Variants in DNAJC1 observed in about 807,000 individuals in gnomAD.
The protein encoded by DNAJC1 is DnaJ heat shock protein family (Hsp40) member C1.
A neutral mutation model predicts 76.6 loss-of-function variants in DNAJC1; 58 were observed. The observed-to-expected ratio is 0.76, with a 90% confidence interval of 0.61 to 0.94. The LOEUF (loss-of-function observed/expected upper bound fraction) is 0.94. Among genes scored for constraint, DNAJC1 ranks in the 40% least tolerant of loss-of-function variants. DNAJC1 has a pLI of 0.00. For missense variants in DNAJC1, 689 were observed against 677.3 expected (o/e 1.02, Z -0.19); for synonymous variants, 258 against 267.9 (o/e 0.96, Z 0.36).
At chr10:21,858,207 A>C (rs754542583) in intron 8 of DNAJC1, among the ~76,000 whole-genome samples, 4 of 152,174 alleles carry the variant, frequency 2.6e-5, no homozygotes, top group Admixed American at 1.3e-4. Context: ...ATTATCTCTC[A>C]AAACAAAAAG....
At chr10:21,774,382 T>A (rs974999004) in intron 9 of DNAJC1, among the ~76,000 whole-genome samples, 6 of 152,206 alleles carry the variant, frequency 3.9e-5, no homozygotes, top group African/African-American at 1.4e-4. Context: ...GACCTCAGAA[T>A]CTCATAACCT....
chr10:21,912,867 G>A (rs1836890448), intron 6 of DNAJC1, among the ~76,000 whole-genome samples: 2 of 152,104 alleles, frequency 1.3e-5, no homozygotes, highest in Admixed American at 6.5e-5. Context: ...GTCAGGGAGG[G>A]TGACCTCCAG....
rs114183536 is a variant in DNAJC1, at chr10:21,816,519, G to A, written c.979-10420C>T. Among the ~76,000 whole-genome samples, 592 of 151,316 alleles carry A rather than the reference G, an allele frequency of 3.9e-3. 5 individuals carry two copies. The highest frequency in any genetic ancestry group is 0.014 in the African/African-American group (563 of 41,258). ...GCACAGGAGCTCGAGACCAGCCTGG[G>A]CAGCAAAGAGACACTGTCTCTCTCT... is the stretch of plus-strand genomic sequence containing the variant. On this transcript the variant is annotated intron_variant, in intron 8 of 11. Coordinates refer to ENST00000376980, the MANE Select transcript of DNAJC1 (RefSeq NM_022365.4).
chr10:21,883,579 G>A (rs559475132), intron 7 of DNAJC1, among the ~76,000 whole-genome samples: 1 of 152,098 alleles, frequency 6.6e-6, no homozygotes, highest in African/African-American at 2.4e-5. Context: ...ATTAGAAAAT[G>A]CATTTAATAA....
chr10:21,793,632 C>T lies in DNAJC1; in HGVS notation c.1098+12348G>A, dbSNP rs7096406. Among the ~76,000 whole-genome samples the T allele has an allele frequency of 8.8e-3, 1,335 of 152,224 alleles. 22 individuals carry two copies. The highest frequency in any genetic ancestry group is 0.03 in the African/African-American group (1,259 of 41,526). The stretch of plus-strand genomic sequence containing the variant: ...TGTATTCCTACATACCAGCAATGGA[C>T]AATTTGAAAGTGTAATTAAGAAAAC... On this transcript the variant is annotated intron_variant, in intron 9 of 11. Coordinates refer to ENST00000376980, the MANE Select transcript of DNAJC1 (RefSeq NM_022365.4).
intron 6 of DNAJC1, among the ~76,000 whole-genome samples, chr10:21,907,479 G>A (rs1836765902): frequency 6.6e-6 from 1 of 152,020 alleles, no homozygotes; most frequent in South Asian, 2.1e-4. Context: ...CACACTTTAA[G>A]ATGCACTGAC....
At chr10:21,759,693 G>C in intron 10 of DNAJC1, 75 bp from the exon 11 acceptor site, 2 of 1,438,210 alleles carry the variant, frequency 1.4e-6, no homozygotes, top group East Asian at 4.6e-5. Context: ...GCAGCTGCCG[G>C]GCACAGAGCA....
chr10:21,851,925 C>T (rs563416783), intron 8 of DNAJC1, among the ~76,000 whole-genome samples: 2 of 151,794 alleles, frequency 1.3e-5, no homozygotes, highest in South Asian at 2.1e-4. Context: ...TGGTGGCGGG[C>T]GCCTGTAGTC....
At chr10:21,776,836 C>CA (rs1249412503) in intron 9 of DNAJC1, among the ~76,000 whole-genome samples, 6 of 152,264 alleles carry the variant, frequency 3.9e-5, no homozygotes, top group Middle Eastern at 3.4e-3. Context: ...AACACTTATG[C>CA]AAAAAGACAA....
At chr10:21,875,629 T>C (rs1296552445) in intron 8 of DNAJC1, among the ~76,000 whole-genome samples, 1 of 152,076 alleles carries the variant, frequency 6.6e-6, no homozygotes, top group African/African-American at 2.4e-5. Flanking sequence ...GAGAAACCAT[T>C]AGAATTAAAA....
intron 6 of DNAJC1, among the ~76,000 whole-genome samples, chr10:21,917,105 T>G (rs1395138145): frequency 6.6e-6 from 1 of 151,982 alleles, no homozygotes; most frequent in Non-Finnish European, 1.5e-5. Flanking sequence ...AGTAAAAACT[T>G]TAAAATTCAA....
chr10:21,805,894 C>T (rs1834877214), intron 9 of DNAJC1, 86 bp downstream of exon 9: 2 of 1,555,000 alleles, frequency 1.3e-6, no homozygotes, highest in Admixed American at 3.4e-5. Flanking sequence ...CCCAAAGATA[C>T]TGTGGAACCC....
Position 22,003,728 on chromosome 10 carries a change from A to G in DNAJC1, c.-294T>C, listed in dbSNP as rs933367872. On this transcript the variant is annotated 5_prime_UTR_variant, in exon 1 of 12. Coordinates refer to ENST00000376980, the MANE Select transcript of DNAJC1 (RefSeq NM_022365.4). ...GCAGCGCCCGGCGCCTGGGCTGCAC[A>G]GTGGGTGAGGCTTCCCTTCGCCTCA... 6.1e-6 allele frequency: 2 copies of G among 328,580 alleles called. No homozygotes were observed. The highest frequency in any genetic ancestry group is 1.1e-5 in the Non-Finnish European group (2 of 182,108). The allele number at this position is 328,580 out of a possible 1,614,324, so 20.4% of individuals were successfully genotyped here. A position where few individuals can be genotyped will look rare whatever the true frequency, so the allele number is the denominator to read the frequency against.
chr10:21,863,969 A>C (rs560285117), intron 8 of DNAJC1, among the ~76,000 whole-genome samples: 9 of 152,272 alleles, frequency 5.9e-5, no homozygotes, highest in African/African-American at 2.2e-4. Flanking sequence ...TTAGGAGGCC[A>C]AGGCGGGTGG....
At chr10:21,791,333 C>A (rs1045556065) in intron 9 of DNAJC1, among the ~76,000 whole-genome samples, 1 of 152,144 alleles carries the variant, frequency 6.6e-6, no homozygotes, top group Non-Finnish European at 1.5e-5. Context: ...ACAGATCATT[C>A]AGACAGGAAA....
At chr10:21,891,979 G>A (rs1836469830) in intron 7 of DNAJC1, among the ~76,000 whole-genome samples, 1 of 151,990 alleles carries the variant, frequency 6.6e-6, no homozygotes, top group South Asian at 2.1e-4. Context: ...ATAACCTTCA[G>A]TGTTATAAAG....
chr10:21,941,013 A>G (rs1225350713), intron 1 of DNAJC1, among the ~76,000 whole-genome samples: 1 of 149,530 alleles, frequency 6.7e-6, no homozygotes, highest in African/African-American at 2.5e-5. Context: ...GCACTTTGGG[A>G]GGCCAAGGCG....
At chr10:21,921,684 C>G (rs1335468192) in intron 3 of DNAJC1, among the ~76,000 whole-genome samples, 1 of 151,920 alleles carries the variant, frequency 6.6e-6, no homozygotes, top group Non-Finnish European at 1.5e-5. Context: ...AAGAGAAGAA[C>G]ATTAACAAGT....
chr10:21,893,396 G>A (rs1011449409), intron 7 of DNAJC1, among the ~76,000 whole-genome samples: 5 of 152,120 alleles, frequency 3.3e-5, no homozygotes, highest in Non-Finnish European at 7.4e-5. Flanking sequence ...GAAGGCCAAG[G>A]TGGGTGGATC....
Sources: gnomAD v4.1 joint callset for allele counts (sites outside exome capture counted in the v4.1 genomes callset) on GRCh38, gnomAD v4.1.1 for gene constraint, MANE v1.5 for transcripts, NCBI Gene and HGNC (gene_info 2026-07-23, HGNC 2026-07-21) for gene names.